Variants in ERC1 observed in about 807,000 individuals in gnomAD.
ERC1 encodes the protein RAB6 interacting protein 2.
ERC1 carries 56 observed loss-of-function variants against 132.0 expected under a neutral mutation model. That is an observed-to-expected ratio of 0.42 (90% CI 0.34 to 0.53). The LOEUF (loss-of-function observed/expected upper bound fraction) is 0.53. Among genes scored for constraint, ERC1 ranks in the 20% least tolerant of loss-of-function variants. ERC1 has a pLI of 0.03. For missense variants in ERC1, 1,202 were observed against 1,349.9 expected (o/e 0.89, Z 1.72); for synonymous variants, 478 against 476.1 (o/e 1.00, Z -0.05).
chr12:1,411,783 C>T (rs2091867059), intron 17 of ERC1, among the ~76,000 whole-genome samples: 2 of 152,128 alleles, frequency 1.3e-5, no homozygotes, highest in Non-Finnish European at 2.9e-5. Flanking sequence ...CAGCTGGAAG[C>T]ACCACATATG....
intron 8 of ERC1, among the ~76,000 whole-genome samples, chr12:1,156,141 T>C (rs779637336): frequency 1.4e-4 from 21 of 152,136 alleles, no homozygotes; most frequent in Non-Finnish European, 3.1e-4. Flanking sequence ...TTAAAAAATA[T>C]CTACATGGTT....
chr12:1,179,319 A>G (rs1954095742), intron 8 of ERC1, among the ~76,000 whole-genome samples: 1 of 152,008 alleles, frequency 6.6e-6, no homozygotes. Flanking sequence ...TATTTATTTA[A>G]AGTACAGAAC....
intron 8 of ERC1, among the ~76,000 whole-genome samples, chr12:1,171,860 A>G (rs1042004546): frequency 1.3e-5 from 2 of 152,206 alleles, no homozygotes; most frequent in African/African-American, 4.8e-5. Context: ...AGACTGAAAC[A>G]TGATAGCTCC....
intron 15 of ERC1, among the ~76,000 whole-genome samples, chr12:1,362,026 G>A (rs1263193472): frequency 6.6e-6 from 1 of 152,058 alleles, no homozygotes; most frequent in Non-Finnish European, 1.5e-5. Flanking sequence ...GTTTTATTTA[G>A]TTGCTAGTAT....
chr12:1,340,459 CA>C (rs1257186903), intron 15 of ERC1, among the ~76,000 whole-genome samples: 1 of 152,172 alleles, frequency 6.6e-6, no homozygotes, highest in Non-Finnish European at 1.5e-5. Flanking sequence ...CTCTCCCTGC[CA>C]AATCGGTGTC....
chr12:1,078,358 A>G (rs1364484874), intron 2 of ERC1, among the ~76,000 whole-genome samples: 1 of 152,132 alleles, frequency 6.6e-6, no homozygotes, highest in East Asian at 1.9e-4. Flanking sequence ...TTTGAACTCC[A>G]GCAACTGTTA....
At chr12:1,438,158 C>G (rs1372180506) in intron 17 of ERC1, among the ~76,000 whole-genome samples, 4 of 152,284 alleles carry the variant, frequency 2.6e-5, no homozygotes, top group African/African-American at 9.6e-5. Context: ...ACACATTGCT[C>G]CAAACCTTTG....
At chr12:1,343,459 A>G (rs748085189) in intron 15 of ERC1, among the ~76,000 whole-genome samples, 3 of 152,180 alleles carry the variant, frequency 2.0e-5, no homozygotes, top group African/African-American at 4.8e-5. Flanking sequence ...AAAGATTCCT[A>G]TGAGCTGCAC....
At chr12:1,450,189 A>T (rs1483626640) in intron 18 of ERC1, among the ~76,000 whole-genome samples, 2 of 152,188 alleles carry the variant, frequency 1.3e-5, no homozygotes, top group African/African-American at 4.8e-5. Context: ...ACACAACATA[A>T]ATTTTACCAT....
At chr12:1,066,243 G>C (rs1027799912) in intron 2 of ERC1, among the ~76,000 whole-genome samples, 2 of 152,174 alleles carry the variant, frequency 1.3e-5, no homozygotes, top group African/African-American at 4.8e-5. Context: ...TCGCTATGGC[G>C]ATTAATATAA....
chr12:1,320,846 C>T (rs572527139), intron 15 of ERC1, among the ~76,000 whole-genome samples: 45 of 152,226 alleles, frequency 3.0e-4, no homozygotes, highest in South Asian at 1.7e-3. Context: ...GGACTACAGG[C>T]GCCCGCCACC....
At chr12:1,355,918 G>C (rs1403492172) in intron 15 of ERC1, among the ~76,000 whole-genome samples, 1 of 152,010 alleles carries the variant, frequency 6.6e-6, no homozygotes, top group African/African-American at 2.4e-5. Flanking sequence ...TAAAATACTC[G>C]GTCCTGGCTG....
Position 1,074,165 on chromosome 12 carries a change from GAT to G in ERC1, c.670-8997_670-8996del, listed in dbSNP as rs1357501398. Among the ~76,000 whole-genome samples, 3 of 151,974 alleles carry G rather than the reference GAT, an allele frequency of 2.0e-5. No individual in the cohort carries two copies. In the East Asian group the frequency reaches 5.8e-4, roughly 30 times the overall value. ...GTGTGAGCCACCATGCCTGGCCTGT[GAT>G]AGGAATTTTTTAGCTCCATTGTAAT... On this transcript the variant is annotated intron_variant, in intron 2 of 18. Transcript: ENST00000360905.
intron 15 of ERC1, among the ~76,000 whole-genome samples, chr12:1,333,056 G>A (rs921912461): frequency 2.0e-5 from 3 of 151,288 alleles, no homozygotes; most frequent in East Asian, 1.9e-4. Flanking sequence ...CCTGATCCTC[G>A]TCCTGATCCT....
intron 8 of ERC1, among the ~76,000 whole-genome samples, chr12:1,172,789 G>A (rs957920567): frequency 6.6e-6 from 1 of 151,852 alleles, no homozygotes; most frequent in Non-Finnish European, 1.5e-5. Flanking sequence ...ACTAATTTAT[G>A]TAACAGAAGA....
chr12:1,486,393 A>G (rs1045243314), intron 18 of ERC1, among the ~76,000 whole-genome samples: 1 of 151,442 alleles, frequency 6.6e-6, no homozygotes, highest in Non-Finnish European at 1.5e-5. Flanking sequence ...GAAAGTTTTT[A>G]CAATATTTGT....
chr12:1,139,842 AAAGGG>A (rs1949706382), intron 7 of ERC1, among the ~76,000 whole-genome samples: 3 of 152,272 alleles, frequency 2.0e-5, no homozygotes, highest in Admixed American at 6.5e-5. Flanking sequence ...TGCTATGGAC[AAAGGG>A]TAGATTTAGT....
At chr12:1,265,245 T>C (rs1364321977) in intron 14 of ERC1, among the ~76,000 whole-genome samples, 1 of 152,240 alleles carries the variant, frequency 6.6e-6, no homozygotes, top group African/African-American at 2.4e-5. Context: ...ATTTTTCTTC[T>C]GCTTTGGCCT....
intron 13 of ERC1, among the ~76,000 whole-genome samples, chr12:1,261,254 A>G (rs552231824): frequency 7.2e-5 from 11 of 152,340 alleles, no homozygotes; most frequent in African/African-American, 2.4e-4. Flanking sequence ...GAGACTTGCA[A>G]AAAACAGTTT....
Sources: gnomAD v4.1 joint callset for allele counts (sites outside exome capture counted in the v4.1 genomes callset) on GRCh38, gnomAD v4.1.1 for gene constraint, MANE v1.5 for transcripts, NCBI Gene and HGNC (gene_info 2026-07-23, HGNC 2026-07-21) for gene names.